Variants in ADGRF4 observed in about 807,000 individuals in gnomAD.
ADGRF4 encodes the protein G-protein coupled receptor PGR18.
A neutral mutation model predicts 58.5 loss-of-function variants in ADGRF4; 63 were observed. The observed-to-expected ratio is 1.08, with a 90% CI of 0.88 to 1.33. The LOEUF is 1.33. Ranked by LOEUF, ADGRF4 falls within the 40% of genes most tolerant of loss-of-function variation. The pLI is 0.00. For missense variants in ADGRF4, 931 were observed against 843.9 expected (o/e 1.10, Z -1.28); for synonymous variants, 313 against 295.4 (o/e 1.06, Z -0.61).
At chr6:47,720,017 A>T (rs1356224066) in intron 9 of ADGRF4, among the ~76,000 whole-genome samples, 1 of 152,134 alleles carries the variant, frequency 6.6e-6, no homozygotes, top group Non-Finnish European at 1.5e-5. Flanking sequence ...GAATTTTCTC[A>T]GTATTGGGGA....
rs370109949 is a variant in ADGRF4 at position 47,710,130 on chromosome 6, G to A, written c.149-605G>A. Among the ~76,000 whole-genome samples, 24 of 152,260 alleles carry A rather than the reference G, an allele frequency of 1.6e-4. 1 individual carries two copies. The East Asian group carries it at 3.1e-3, about 20-fold the overall frequency. On this transcript the variant is annotated intron_variant, in intron 3 of 9. Transcript: ENST00000283303. ...CATATATTGATTAGTTGATGAAATTGTTGTAAGCAGAAGCTTGTAGGACCC... is the reference window on the plus strand; with the variant it reads ...CATATATTGATTAGTTGATGAAATTATTGTAAGCAGAAGCTTGTAGGACCC...
chr6:47,716,772 C>T, intron 6 of ADGRF4, 34 bp from the exon 7 acceptor site: 1 of 1,547,034 alleles, frequency 6.5e-7, no homozygotes. Context: ...TTTTGAAAAA[C>T]CATCCCTCAT....
In ADGRF4 at chr6:47,716,653, C is replaced by T. The variant is rs78476194; in HGVS notation, c.1933-153C>T. Among the ~76,000 whole-genome samples, 601 of 152,296 alleles carry T rather than the reference C, an allele frequency of 3.9e-3. 3 individuals carry two copies. Among genetic ancestry groups the T allele is most frequent in the African/African-American group, 0.014 (577 of 41,556 alleles). ...GGGTGGGGGCAGACTCAAAGGAACA[C>T]CCATCAGTGCATTTTTATCTGCATT... On this transcript the variant is annotated intron_variant, in intron 6 of 9. Transcript: ENST00000283303.
At chr6:47,705,146 C>T (rs1340438680) in intron 1 of ADGRF4, among the ~76,000 whole-genome samples, 1 of 152,180 alleles carries the variant, frequency 6.6e-6, no homozygotes, top group Non-Finnish European at 1.5e-5. Context: ...CCAGGATGGT[C>T]TTGATCTCCT....
chr6:47,716,843 A>C lies in ADGRF4; in HGVS notation c.1970A>C (p.His657Pro). The change falls in exon 7 of 10, where the codon CAC becomes CCC. Residue 657 changes from histidine to proline, a missense_variant. Coordinates refer to ENST00000283303, the MANE Select transcript of ADGRF4 (RefSeq NM_153838.5). The stretch of plus-strand genomic sequence containing the variant: ...CTGCTGTTTGGAACCATTATGGATC[A>C]CAAGGTAATTTGAATTTGCTTCCTC... ...FILLFGTIMD[H>P]KIRDALRMRM... is the part of the protein sequence containing the mutation. 6.3e-7 allele frequency: 1 copy of C among 1,597,916 alleles called. No individual in the cohort carries two copies. The highest frequency in any genetic ancestry group is 8.5e-7 in the Non-Finnish European group (1 of 1,171,148).
Position 47,721,473 on chromosome 6 carries a change from A to G in ADGRF4, c.*268A>G, listed in dbSNP as rs1438501477. ...GCTGGCTTCTTGGTCAATCTTGACT[A>G]GATTAAGAGTCAATCTGCAAGCCAT... On this transcript the variant is annotated 3_prime_UTR_variant, in exon 10 of 10. Coordinates refer to ENST00000283303, the MANE Select transcript of ADGRF4 (RefSeq NM_153838.5). 1 of 152,166 alleles carries G rather than the reference A, an allele frequency of 6.6e-6. No homozygotes were observed. Among genetic ancestry groups the G allele is most frequent in the East Asian group, 1.9e-4 (1 of 5,188 alleles). The allele number at this position is 152,166 out of a possible 1,614,324, so 9.4% of individuals were successfully genotyped here.
intron 1 of ADGRF4, among the ~76,000 whole-genome samples, chr6:47,704,317 C>A (rs1220219825): frequency 2.0e-5 from 3 of 152,070 alleles, no homozygotes. Context: ...AGGGATGAGC[C>A]ACTGCACCCG....
chr6:47,714,345 T>C lies in ADGRF4; in HGVS notation c.1100T>C (p.Met367Thr), dbSNP rs758210423. The change falls in exon 6 of 10, where the codon ATG (methionine) becomes ACG (threonine). Residue 367 changes from methionine to threonine, a missense_variant. Transcript: ENST00000283303. Reference protein sequence around the residue: ...RRWDEKACQMMLDIRNEVKCR... With the variant: ...RRWDEKACQMTLDIRNEVKCR... ...TGGGATGAGAAAGCGTGCCAAATGA[T>C]GTTGGATATCAGGAACGAAGTGAAA... The C allele has an allele frequency of 1.2e-6, 2 of 1,614,130 alleles. No individual in the cohort carries two copies. Among genetic ancestry groups the C allele is most frequent in the African/African-American group, 2.7e-5 (2 of 75,032 alleles).
At chr6:47,720,683 A>G (rs1772137221) in intron 9 of ADGRF4, among the ~76,000 whole-genome samples, 1 of 152,136 alleles carries the variant, frequency 6.6e-6, no homozygotes, top group African/African-American at 2.4e-5. Context: ...TCTGTTGTTC[A>G]TATCAAGGGT....
chr6:47,720,571 G>A (rs910549699), intron 9 of ADGRF4, among the ~76,000 whole-genome samples: 1 of 152,174 alleles, frequency 6.6e-6, no homozygotes, highest in African/African-American at 2.4e-5. Flanking sequence ...GAGAAACAGG[G>A]AACTTAGCTT....
chr6:47,718,498 C>A, intron 9 of ADGRF4, 53 bp downstream of exon 9: 1 of 1,044,484 alleles, frequency 9.6e-7, no homozygotes. Flanking sequence ...TGTCAATCCA[C>A]CAATGCCCCT....
rs781137819 is a variant in ADGRF4, at chr6:47,714,834, C to T, written c.1589C>T (p.Ala530Val). Residue 530 changes from alanine (A) to valine (V), a missense_variant, in exon 6 of 10, where the codon GCT (alanine) becomes GTT (valine). By Grantham distance (64) the Ala-to-Val change is moderately conservative. Coordinates refer to ENST00000283303, the MANE Select transcript of ADGRF4 (RefSeq NM_153838.5). Reference sequence around the variant, plus strand: ...GGCTATGGGTGCCCATTGATCATTGCTGTCACTACAGTTGCTATCACAGAG... The same window carrying T: ...GGCTATGGGTGCCCATTGATCATTGTTGTCACTACAGTTGCTATCACAGAG... ...AIGYGCPLII[A>V]VTTVAITEPE... The T allele has an allele frequency of 3.2e-5, 51 of 1,612,062 alleles. No individual in the cohort carries two copies. In the East Asian group the frequency reaches 1.1e-3, roughly 34 times the overall value.
At chr6:47,706,406 C>A (rs929961464) in intron 1 of ADGRF4, among the ~76,000 whole-genome samples, 2 of 152,218 alleles carry the variant, frequency 1.3e-5, no homozygotes, top group Non-Finnish European at 2.9e-5. Flanking sequence ...AGTCTCAGAG[C>A]TTGCTCCGGT....
chr6:47,716,368 T>C (rs751458031), intron 6 of ADGRF4, among the ~76,000 whole-genome samples: 1 of 152,202 alleles, frequency 6.6e-6, no homozygotes, highest in Non-Finnish European at 1.5e-5. Context: ...CTTGGCTGTC[T>C]ATTTACTGAC....
At chr6:47,702,143 AT>A (rs1231915240) in intron 1 of ADGRF4, among the ~76,000 whole-genome samples, 1 of 152,114 alleles carries the variant, frequency 6.6e-6, no homozygotes, top group Non-Finnish European at 1.5e-5. Context: ...CTGGCCTAGA[AT>A]TTCTGATTAT....
chr6:47,703,686 G>C (rs555749982), intron 1 of ADGRF4, among the ~76,000 whole-genome samples: 8 of 152,280 alleles, frequency 5.3e-5, no homozygotes, highest in African/African-American at 1.9e-4. Context: ...TTTGTGCTTA[G>C]TTCAAATTCA....
At chr6:47,716,781 A>G (rs1772029250) in intron 6 of ADGRF4, 25 bp from the exon 7 acceptor site, 2 of 1,578,082 alleles carry the variant, frequency 1.3e-6, no homozygotes, top group Non-Finnish European at 1.7e-6. Flanking sequence ...ACCATCCCTC[A>G]TGAATCTGTT....
intron 1 of ADGRF4, among the ~76,000 whole-genome samples, chr6:47,703,787 A>T (rs73485554): frequency 2.0e-5 from 3 of 152,196 alleles, no homozygotes; most frequent in Non-Finnish European, 4.4e-5. Flanking sequence ...GAAATGTATC[A>T]TTATTCAATA....
chr6:47,711,655 A>G (rs1002060494), intron 4 of ADGRF4, among the ~76,000 whole-genome samples: 1 of 152,210 alleles, frequency 6.6e-6, no homozygotes, highest in African/African-American at 2.4e-5. Flanking sequence ...CATACAACAC[A>G]TCCAGTTAAA....
Sources: gnomAD v4.1 joint callset for allele counts (sites outside exome capture counted in the v4.1 genomes callset) on GRCh38, gnomAD v4.1.1 for gene constraint, MANE v1.5 for transcripts, NCBI Gene and HGNC (gene_info 2026-07-23, HGNC 2026-07-21) for gene names.